The following UNC5D variants were observed in gnomAD, a reference collection of about 807,000 sequenced individuals.
The protein encoded by UNC5D is netrin receptor UNC5D.
UNC5D carries 39 observed loss-of-function variants against 105.4 expected under a neutral mutation model. The ratio of observed to expected loss-of-function variants is 0.37; its 90% CI spans 0.29 to 0.48. UNC5D has a LOEUF of 0.48. Among genes scored for constraint, UNC5D ranks in the 20% least tolerant of loss-of-function variants. The pLI is 0.98. For missense variants in UNC5D, 991 were observed against 1,202.4 expected, an observed-to-expected ratio of 0.82 and a Z score of 2.60; for synonymous variants, 452 against 450.4, an observed-to-expected ratio of 1.00 and a Z score of -0.04.
chr8:35,318,267 T>C (rs1362448362), intron 1 of UNC5D, among the ~76,000 whole-genome samples: 1 of 152,106 alleles, frequency 6.6e-6, no homozygotes, highest in East Asian at 1.9e-4. Context: ...TAAGGGCAGT[T>C]GTCTTCCTGG....
At chr8:35,321,766 G>A (rs1307932771) in intron 1 of UNC5D, among the ~76,000 whole-genome samples, 2 of 152,116 alleles carry the variant, frequency 1.3e-5, no homozygotes, top group African/African-American at 4.8e-5. Flanking sequence ...TGAAGTTGGA[G>A]GTTCCTGGAT....
chr8:35,515,402 G>A (rs1813039083), intron 1 of UNC5D, among the ~76,000 whole-genome samples: 1 of 152,062 alleles, frequency 6.6e-6, no homozygotes, highest in African/African-American at 2.4e-5. Context: ...TACAGATTTA[G>A]GGCTGGGTGT....
At chr8:35,555,566 GC>G (rs1382333678) in intron 2 of UNC5D, among the ~76,000 whole-genome samples, 4 of 152,220 alleles carry the variant, frequency 2.6e-5, no homozygotes, top group African/African-American at 9.6e-5. Context: ...GGTTGCTCAT[GC>G]CTGTAATCCC....
intron 4 of UNC5D, among the ~76,000 whole-genome samples, chr8:35,676,398 G>C (rs1432350467): frequency 1.3e-5 from 2 of 152,108 alleles, no homozygotes; most frequent in Non-Finnish European, 2.9e-5. Context: ...TCATCCGAGG[G>C]GTGAATGCCT....
intron 1 of UNC5D, among the ~76,000 whole-genome samples, chr8:35,236,588 G>A (rs1402561319): frequency 6.6e-6 from 1 of 152,188 alleles, no homozygotes; most frequent in African/African-American, 2.4e-5. Context: ...GGGCCCCACC[G>A]AGCCGCAGGG....
intron 1 of UNC5D, among the ~76,000 whole-genome samples, chr8:35,248,719 A>C (rs1419098098): frequency 9.9e-6 from 1 of 100,560 alleles, no homozygotes; most frequent in South Asian, 3.1e-4. Context: ...TATATATAAA[A>C]TATATAAAAA....
intron 1 of UNC5D, among the ~76,000 whole-genome samples, chr8:35,476,746 A>C (rs1040488482): frequency 3.9e-5 from 6 of 152,206 alleles, no homozygotes; most frequent in African/African-American, 1.4e-4. Flanking sequence ...GCAGCTTACC[A>C]TCTATGGCAG....
At chr8:35,236,000 C>G in intron 1 of UNC5D, 113 bp downstream of exon 1, 3 of 950,858 alleles carry the variant, frequency 3.2e-6, no homozygotes, top group Non-Finnish European at 4.1e-6. Flanking sequence ...TGCACCTCGG[C>G]GCTCCAAGCC....
chr8:35,466,833 G>T (rs1382737885), intron 1 of UNC5D, among the ~76,000 whole-genome samples: 5 of 152,266 alleles, frequency 3.3e-5, no homozygotes, highest in Middle Eastern at 6.8e-3. Flanking sequence ...CAGCACAACT[G>T]CATGCTCCCA....
chr8:35,677,890 C>CTGTG (rs35785055), intron 4 of UNC5D, among the ~76,000 whole-genome samples: 2 of 149,252 alleles, frequency 1.3e-5, no homozygotes, highest in East Asian at 2.0e-4. Context: ...GTGTGAGTGT[C>CTGTG]TGTGTGTGTG....
intron 1 of UNC5D, among the ~76,000 whole-genome samples, chr8:35,515,307 A>G (rs1813034732): frequency 6.6e-6 from 1 of 152,244 alleles, no homozygotes; most frequent in Admixed American, 6.5e-5. Context: ...TTCAGGTTCA[A>G]GTGATTTACT....
At chr8:35,486,272 C>T (rs1365412887) in intron 1 of UNC5D, among the ~76,000 whole-genome samples, 3 of 152,148 alleles carry the variant, frequency 2.0e-5, no homozygotes, top group Non-Finnish European at 2.9e-5. Context: ...TGGCTAAATT[C>T]CCTTTGCAAT....
intron 1 of UNC5D, among the ~76,000 whole-genome samples, chr8:35,511,712 T>A (rs1340955655): frequency 6.7e-6 from 1 of 149,802 alleles, no homozygotes; most frequent in Non-Finnish European, 1.5e-5. Context: ...AAAAATAGAT[T>A]AACAATAGCT....
At chr8:35,391,366 A>G (rs1483769628) in intron 1 of UNC5D, among the ~76,000 whole-genome samples, 1 of 152,236 alleles carries the variant, frequency 6.6e-6, no homozygotes, top group Admixed American at 6.5e-5. Context: ...GTCTTATCCC[A>G]GCATCACAAA....
At chr8:35,540,444 GGT>G (rs11467586) in intron 1 of UNC5D, among the ~76,000 whole-genome samples, 16,865 of 142,186 alleles carry the variant, frequency 0.12, 2,452 homozygotes, top group African/African-American at 0.35. Flanking sequence ...AAAGCAGAGG[GGT>G]GTGTGTGTGT....
intron 1 of UNC5D, chr8:35,254,369 A>T (rs1273389755): frequency 1.3e-5 from 2 of 152,172 alleles, no homozygotes; most frequent in African/African-American, 2.4e-5. Context: ...ATGTTTTTGC[A>T]TCACTGTCTC....
intron 4 of UNC5D, among the ~76,000 whole-genome samples, chr8:35,600,356 T>C (rs1023736139): frequency 1.3e-5 from 2 of 152,248 alleles, no homozygotes; most frequent in African/African-American, 4.8e-5. Context: ...TTTCTAGTTC[T>C]AGATCCCTGA....
intron 16 of UNC5D, among the ~76,000 whole-genome samples, chr8:35,782,757 C>A (rs1036796148): frequency 1.3e-5 from 2 of 152,068 alleles, no homozygotes; most frequent in East Asian, 3.9e-4. Context: ...CCCTCCTCGG[C>A]CTCCCAAAGT....
intron 1 of UNC5D, among the ~76,000 whole-genome samples, chr8:35,268,780 T>C (rs1805069552): frequency 6.6e-6 from 1 of 152,168 alleles, no homozygotes; most frequent in African/African-American, 2.4e-5. Flanking sequence ...TGATACTGTT[T>C]ATCTCTGCCT....
Sources: gnomAD v4.1 joint callset for allele counts (sites outside exome capture counted in the v4.1 genomes callset) on GRCh38, gnomAD v4.1.1 for gene constraint, MANE v1.5 for transcripts, NCBI Gene and HGNC (gene_info 2026-07-23, HGNC 2026-07-21) for gene names.